Variants in PCDHGB1 observed in about 807,000 individuals in gnomAD.
PCDHGB1 encodes protocadherin gamma subfamily B, 1.
Under a neutral mutation model 56.6 loss-of-function variants are expected in PCDHGB1, and 34 were observed. That is an observed-to-expected ratio of 0.60 (90% confidence interval 0.46 to 0.80). The LOEUF (loss-of-function observed/expected upper bound fraction) is 0.80. Among genes scored for constraint, PCDHGB1 ranks in the 30% least tolerant of loss-of-function variants. PCDHGB1 has a pLI of 0.00. For missense variants in PCDHGB1, 1,278 were observed against 1,204.6 expected, an observed-to-expected ratio of 1.06 and a Z score of -0.90; for synonymous variants, 561 against 505.9, an observed-to-expected ratio of 1.11 and a Z score of -1.46.
intron 1 of PCDHGB1, chr5:141,364,398 T>TG: frequency 6.2e-6 from 10 of 1,605,684 alleles, no homozygotes; most frequent in Non-Finnish European, 7.7e-6. Flanking sequence ...CTGGGGACGC[T>TG]GTGCGAGCCA....
Position 141,476,876 on chromosome 5 carries a change from C to A in PCDHGB1, c.2410-17931C>A, listed in dbSNP as rs1201654822. 1.2e-6 allele frequency: 2 copies of A among 1,613,994 alleles called. No individual in the cohort carries two copies. Among genetic ancestry groups the A allele is most frequent in the Non-Finnish European group, 1.7e-6 (2 of 1,180,048 alleles). ...CCAGTCCTTGTACCGGGCGCGCGTC[C>A]TGGAGGATGCACCCTCCGGCACGCG... On this transcript the variant is annotated intron_variant, in intron 1 of 3. Transcript: ENST00000523390. The surrounding 1 kb of genome is among the most constrained non-coding windows in gnomAD (Gnocchi z 7.6).
At chr5:141,422,415 A>C (rs1330043187) in intron 1 of PCDHGB1, 1 of 1,604,786 alleles carries the variant, frequency 6.2e-7, no homozygotes, top group Admixed American at 1.7e-5. Flanking sequence ...TTAAATTAGA[A>C]AAGACTTATG....
At chr5:141,475,315 A>G (rs766425496) in intron 1 of PCDHGB1, among the ~76,000 whole-genome samples, 2 of 152,182 alleles carry the variant, frequency 1.3e-5, no homozygotes, top group Non-Finnish European at 2.9e-5. Flanking sequence ...CCTGGTTCTT[A>G]AGAAATGAGA....
At chr5:141,379,947 T>C (rs546796076) in intron 1 of PCDHGB1, among the ~76,000 whole-genome samples, 40 of 134,556 alleles carry the variant, frequency 3.0e-4, no homozygotes, top group African/African-American at 9.9e-4. Context: ...TCTCCCAGGC[T>C]GGAATGCAGT....
intron 1 of PCDHGB1, chr5:141,441,837 G>A (rs952709777): frequency 2.8e-6 from 1 of 354,138 alleles, no homozygotes. Context: ...ATGGCTTCGC[G>A]CTCTTGGATA....
chr5:141,365,326 G>A (rs376885852), intron 1 of PCDHGB1: 1 of 1,613,980 alleles, frequency 6.2e-7, no homozygotes, highest in African/African-American at 1.3e-5. Flanking sequence ...CCAGCGCTAA[G>A]GTGGTGGTCA....
intron 2 of PCDHGB1, among the ~76,000 whole-genome samples, chr5:141,501,290 T>TAC (rs55762287): frequency 0.12 from 16,682 of 135,960 alleles, 995 homozygotes; most frequent in African/African-American, 0.18. Flanking sequence ...TATTCCCTTA[T>TAC]ACACACACAC....
rs141295392 is a variant in PCDHGB1 at position 141,393,658 on chromosome 5, G to A, written c.2409+40989G>A. 3.0e-5 allele frequency: 49 copies of A among 1,613,798 alleles called. No homozygotes were observed. The Middle Eastern group carries it at 6.6e-4, about 22-fold the overall frequency. ...AACGGAAAAGTGGCATACAAATTCC[G>A]GAAAATTAATGAAAAACAAACTCCG... On this transcript the variant is annotated intron_variant, in intron 1 of 3. Transcript: ENST00000523390.
chr5:141,404,952 G>A (rs2094589054), intron 1 of PCDHGB1: 3 of 1,614,030 alleles, frequency 1.9e-6, no homozygotes, highest in African/African-American at 1.3e-5. Flanking sequence ...ATAGCTGACA[G>A]CATCCCAGAC....
intron 1 of PCDHGB1, among the ~76,000 whole-genome samples, chr5:141,447,895 G>A (rs931589569): frequency 1.3e-5 from 2 of 152,068 alleles, no homozygotes; most frequent in Non-Finnish European, 2.9e-5. Context: ...AGACCAGCCT[G>A]GCCAACATGG....
At position 141,399,297 on chromosome 5, in the gene PCDHGB1, T is replaced by G. The variant is rs370898446; in HGVS notation, c.2409+46628T>G. On this transcript the variant is annotated intron_variant, in intron 1 of 3. Transcript: ENST00000523390. The stretch of plus-strand genomic sequence containing the variant: ...TACAAGGCGAAGTCCCTTTTAAGAT[T>G]ATCTCTTCATCCAAAAATTCGTATA... 14 of 1,613,948 alleles carry G rather than the reference T, an allele frequency of 8.7e-6. No individual in the cohort carries two copies. The East Asian group carries it at 2.9e-4, about 33-fold the overall frequency.
At chr5:141,353,075 G>A (rs544415302) in intron 1 of PCDHGB1, among the ~76,000 whole-genome samples, 44 of 152,198 alleles carry the variant, frequency 2.9e-4, no homozygotes, top group African/African-American at 1.1e-3. Context: ...TCTAGTGATG[G>A]TATCTACTGC....
chr5:141,471,044 CT>C (rs1432278092), intron 1 of PCDHGB1, among the ~76,000 whole-genome samples: 3 of 136,442 alleles, frequency 2.2e-5, no homozygotes. Flanking sequence ...AGCCCAAGCC[CT>C]CTTTTTTTTT....
chr5:141,378,542 TAATA>T (rs1181738762), intron 1 of PCDHGB1: 54 of 152,104 alleles, frequency 3.6e-4, no homozygotes, highest in Admixed American at 3.5e-3. Flanking sequence ...TAATGATAAT[TAATA>T]AATAAAGAGT....
chr5:141,366,437 G>A lies in PCDHGB1; in HGVS notation c.2409+13768G>A, dbSNP rs201380639. The A allele has an allele frequency of 4.0e-4, 649 of 1,614,042 alleles. No individual in the cohort carries two copies. The highest frequency in any genetic ancestry group is 4.5e-4 in the Non-Finnish European group (535 of 1,180,064). ...GGTGGCAGTGGCTGCAGTCTCCTGC[G>A]TCTTCCTGGCCTTCGTCATCGTGCT... is the stretch of plus-strand genomic sequence containing the variant. On this transcript the variant is annotated intron_variant, in intron 1 of 3. Coordinates refer to ENST00000523390, the MANE Select transcript of PCDHGB1 (RefSeq NM_018922.3).
Position 141,491,880 on chromosome 5 carries a change from G to C in PCDHGB1, c.2410-2927G>C. ...GCGAAACCAGAGTGGCCGATTAAGG[G>C]ATGGGGCTCCGAGCACCGGGGGTGG... On this transcript the variant is annotated intron_variant, in intron 1 of 3. Transcript: ENST00000523390. This position sits in a 1 kb window ranked among gnomAD's most constrained non-coding sequence, Gnocchi z 6.9. 1 of 1,449,834 alleles carries C rather than the reference G, an allele frequency of 6.9e-7. No individual in the cohort carries two copies. 89.8% of individuals were successfully genotyped at this position (1,449,834 alleles called of 1,614,324 possible).
Position 141,387,890 on chromosome 5 carries a change from G to A in PCDHGB1, c.2409+35221G>A, listed in dbSNP as rs541321171. On this transcript the variant is annotated intron_variant, in intron 1 of 3. Coordinates refer to ENST00000523390, the MANE Select transcript of PCDHGB1 (RefSeq NM_018922.3). ...AGCTGAGGAGAGCAAGAGGGATGGG[G>A]AGCGGCGCCGGGGAGCTGGGCCGGG... The A allele has an allele frequency of 1.9e-6, 3 of 1,554,976 alleles. No homozygotes were observed. The South Asian group carries it at 3.7e-5, about 19-fold the overall frequency.
intron 1 of PCDHGB1, among the ~76,000 whole-genome samples, chr5:141,451,108 G>A (rs1484218835): frequency 3.3e-5 from 5 of 151,860 alleles, no homozygotes; most frequent in South Asian, 2.1e-4. Flanking sequence ...GATTACAGGC[G>A]TGAGCCACCA....
intron 1 of PCDHGB1, among the ~76,000 whole-genome samples, chr5:141,425,040 A>G (rs2096853898): frequency 6.6e-6 from 1 of 152,182 alleles, no homozygotes; most frequent in South Asian, 2.1e-4. Flanking sequence ...TTAGTTGTAA[A>G]CTGACTATCT....
Sources: gnomAD v4.1 joint callset for allele counts (sites outside exome capture counted in the v4.1 genomes callset) on GRCh38, gnomAD v4.1.1 for gene constraint, Gnocchi (gnomAD v3.1) non-coding constraint, MANE v1.5 for transcripts, NCBI Gene and HGNC (gene_info 2026-07-23, HGNC 2026-07-21) for gene names.